The following ZNF704 variants were observed in gnomAD, a reference collection of about 807,000 sequenced individuals.
ZNF704 encodes zinc finger protein 704, also known as glucocorticoid induced gene 1.
A neutral mutation model predicts 44.7 loss-of-function variants in ZNF704; 10 were observed. That is an observed-to-expected ratio of 0.22 (90% CI 0.14 to 0.38). The LOEUF is 0.38. Ranked by LOEUF, ZNF704 falls within the 10% of genes least tolerant of loss-of-function variation. The pLI, the probability that ZNF704 is intolerant of heterozygous loss-of-function variation, is 1.00. For synonymous variants in ZNF704, 211 were observed against 207.6 expected, an observed-to-expected ratio of 1.02 and a Z score of -0.14; for missense variants, 390 against 545.5, an observed-to-expected ratio of 0.71 and a Z score of 2.84.
At position 80,797,380 on chromosome 8, in the gene ZNF704, T is replaced by G. The variant is rs576112475; in HGVS notation, c.221+23994A>C. The stretch of plus-strand genomic sequence containing the variant: ...GGGCTCTCTGCAGTGGCTCCGCCCC[T>G]GCAAAAAGTCTTCTGCCTGAGTCCA... On this transcript the variant is annotated intron_variant, in intron 2 of 8. Transcript: ENST00000327835. Among the ~76,000 whole-genome samples the G allele has an allele frequency of 1.6e-4, 24 of 152,306 alleles. No homozygotes were observed. The East Asian group carries it at 4.6e-3, about 29-fold the overall frequency.
intron 1 of ZNF704, among the ~76,000 whole-genome samples, chr8:80,869,879 C>T (rs1292236194): frequency 1.3e-5 from 2 of 152,150 alleles, no homozygotes; most frequent in African/African-American, 2.4e-5. Context: ...TAAGGAGTCC[C>T]ATGTGACAAA....
At chr8:80,736,173 C>T (rs1806661988) in intron 2 of ZNF704, among the ~76,000 whole-genome samples, 1 of 152,254 alleles carries the variant, frequency 6.6e-6, no homozygotes, top group African/African-American at 2.4e-5. Flanking sequence ...TTTTGCATAA[C>T]ACATTTTCTC....
intron 4 of ZNF704, among the ~76,000 whole-genome samples, chr8:80,684,834 A>G (rs1818509051): frequency 6.6e-6 from 1 of 152,216 alleles, no homozygotes; most frequent in Non-Finnish European, 1.5e-5. Context: ...TGCTCAATAA[A>G]TATTGGTTCA....
At chr8:80,649,425 G>T (rs1023443444) in intron 7 of ZNF704, among the ~76,000 whole-genome samples, 3 of 152,170 alleles carry the variant, frequency 2.0e-5, no homozygotes, top group African/African-American at 7.2e-5. Context: ...TCAAAGAAAG[G>T]GGTGACAGAC....
At chr8:80,718,884 T>C (rs1254417069) in intron 2 of ZNF704, among the ~76,000 whole-genome samples, 1 of 152,254 alleles carries the variant, frequency 6.6e-6, no homozygotes, top group Non-Finnish European at 1.5e-5. Context: ...TGTAAAGTTC[T>C]GGTTGGCAAT....
At chr8:80,738,334 A>G (rs1334046271) in intron 2 of ZNF704, among the ~76,000 whole-genome samples, 1 of 152,182 alleles carries the variant, frequency 6.6e-6, no homozygotes, top group Non-Finnish European at 1.5e-5. Flanking sequence ...TACCTCCTGG[A>G]GAAGAAGTAT....
At chr8:80,824,733 A>C (rs2129899960) in intron 1 of ZNF704, among the ~76,000 whole-genome samples, 2 of 152,362 alleles carry the variant, frequency 1.3e-5, no homozygotes, top group Middle Eastern at 3.4e-3. Flanking sequence ...CTCTCGGCAG[A>C]AACTCTAAAA....
rs374659137 is a variant in ZNF704, at chr8:80,630,356, G to T, written c.*11010C>A. 16 of 152,336 alleles carry T rather than the reference G, an allele frequency of 1.1e-4. 1 individual carries two copies. Among genetic ancestry groups the T allele is most frequent in the African/African-American group, 3.8e-4 (16 of 41,582 alleles). 9.4% of individuals were successfully genotyped at this position (152,336 alleles called of 1,614,324 possible). ...ATGTGAATGCCTGTCATTTCCACAC[G>T]AGTGTCACACAGGAAGGACTGCTGT... On this transcript the variant is annotated 3_prime_UTR_variant, in exon 9 of 9. Transcript: ENST00000327835.
chr8:80,735,518 T>C (rs1252064596), intron 2 of ZNF704, among the ~76,000 whole-genome samples: 2 of 152,220 alleles, frequency 1.3e-5, no homozygotes, highest in Non-Finnish European at 2.9e-5. Context: ...AACAAATGCC[T>C]TTTAAATATA....
At chr8:80,659,729 A>T (rs780536405) in intron 6 of ZNF704, 40 bp from the exon 7 acceptor site, 28 of 1,578,514 alleles carry the variant, frequency 1.8e-5, no homozygotes, top group Non-Finnish European at 2.3e-5. Flanking sequence ...ATGAAGGAAT[A>T]TTTTCCTTCG....
chr8:80,763,120 T>C (rs1370513487), intron 2 of ZNF704, among the ~76,000 whole-genome samples: 1 of 152,200 alleles, frequency 6.6e-6, no homozygotes, highest in Admixed American at 6.5e-5. Flanking sequence ...TGTCTGCAGC[T>C]TTTCTAGGTG....
intron 2 of ZNF704, among the ~76,000 whole-genome samples, chr8:80,704,839 A>G (rs1040919374): frequency 2.6e-5 from 4 of 152,190 alleles, no homozygotes; most frequent in Admixed American, 6.5e-5. Flanking sequence ...ATAATAAACC[A>G]GTAAATATAA....
At chr8:80,797,981 C>A (rs1246663620) in intron 2 of ZNF704, among the ~76,000 whole-genome samples, 1 of 152,188 alleles carries the variant, frequency 6.6e-6, no homozygotes, top group Non-Finnish European at 1.5e-5. Context: ...GGTAGCCATG[C>A]AGCAGCCTGA....
intron 2 of ZNF704, among the ~76,000 whole-genome samples, chr8:80,720,937 C>A (rs1331152907): frequency 1.3e-5 from 2 of 152,248 alleles, no homozygotes; most frequent in Non-Finnish European, 2.9e-5. Context: ...GGACTTAGCA[C>A]AAAGGCTGAG....
At chr8:80,734,063 CT>C (rs1426067289) in intron 2 of ZNF704, among the ~76,000 whole-genome samples, 1 of 152,206 alleles carries the variant, frequency 6.6e-6, no homozygotes, top group Admixed American at 6.5e-5. Flanking sequence ...TTTCGAAAAA[CT>C]GCCAATCTAC....
chr8:80,674,904 A>C (rs1361212283), intron 4 of ZNF704, among the ~76,000 whole-genome samples: 1 of 152,254 alleles, frequency 6.6e-6, no homozygotes, highest in Non-Finnish European at 1.5e-5. Context: ...CGTACCCAAC[A>C]GTCCAAGTAT....
At chr8:80,743,682 G>A (rs1223723933) in intron 2 of ZNF704, among the ~76,000 whole-genome samples, 4 of 152,178 alleles carry the variant, frequency 2.6e-5, no homozygotes, top group Non-Finnish European at 5.9e-5. Flanking sequence ...AGCTGGGGGT[G>A]GGCCCAGCAA....
chr8:80,670,451 G>T, intron 5 of ZNF704, 52 bp downstream of exon 5: 2 of 1,330,890 alleles, frequency 1.5e-6, no homozygotes, highest in Non-Finnish European at 2.2e-6. Flanking sequence ...AGTGCGGGTG[G>T]CCCTAGACTG....
At chr8:80,722,126 G>C (rs974733160) in intron 2 of ZNF704, among the ~76,000 whole-genome samples, 4 of 152,170 alleles carry the variant, frequency 2.6e-5, no homozygotes, top group African/African-American at 9.7e-5. Flanking sequence ...TGTAGTCCCA[G>C]CTACTCTGGA....
Sources: allele counts gnomAD v4.1 joint callset (sites outside exome capture counted in the v4.1 genomes callset), GRCh38; gene constraint gnomAD v4.1.1; transcripts MANE v1.5; gene names NCBI Gene and HGNC (gene_info 2026-07-23, HGNC 2026-07-21).